Variants in ABTB2 observed in about 807,000 individuals in gnomAD.
ABTB2 encodes ankyrin repeat and BTB domain containing 2.
In ABTB2, 56 loss-of-function variants were observed where a neutral mutation model predicts 104.1. The observed-to-expected ratio is 0.54, with a 90% CI of 0.43 to 0.67. The LOEUF (loss-of-function observed/expected upper bound fraction) is 0.67. Ranked by LOEUF, ABTB2 falls within the 30% of genes least tolerant of loss-of-function variation. The pLI is 0.00. For synonymous variants in ABTB2, 606 were observed against 608.2 expected (o/e 1.00, Z 0.05); for missense variants, 1,279 against 1,407.7 (o/e 0.91, Z 1.46).
intron 5 of ABTB2, among the ~76,000 whole-genome samples, chr11:34,170,391 A>G (rs920704407): frequency 4.6e-5 from 7 of 152,370 alleles, no homozygotes; most frequent in Middle Eastern, 6.8e-3. Context: ...GTTAAAGCCT[A>G]TCTAAAACTA....
At chr11:34,269,911 AC>A (rs1422045916) in intron 1 of ABTB2, among the ~76,000 whole-genome samples, 1 of 152,138 alleles carries the variant, frequency 6.6e-6, no homozygotes, top group Non-Finnish European at 1.5e-5. Flanking sequence ...CCTCTCATCC[AC>A]CCTGTTGGTA....
intron 13 of ABTB2, 22 bp downstream of exon 13, chr11:34,159,884 T>C (rs1852684615): frequency 1.9e-6 from 3 of 1,585,274 alleles, no homozygotes; most frequent in East Asian, 4.5e-5. Flanking sequence ...GGGCTGGGAG[T>C]TTGTTATCTG....
intron 1 of ABTB2, among the ~76,000 whole-genome samples, chr11:34,236,839 C>T (rs1853850753): frequency 6.6e-6 from 1 of 152,242 alleles, no homozygotes; most frequent in Non-Finnish European, 1.5e-5. Flanking sequence ...ACAGCCTCTG[C>T]AGCTTGGGTG....
rs1381846501 is a variant in ABTB2, at chr11:34,356,635, C to T, written c.883+66G>A. On this transcript the variant is annotated intron_variant, in intron 1 of 16. Transcript: ENST00000435224. The surrounding 1 kb of genome is among the most constrained non-coding windows in gnomAD (Gnocchi z 4.6). Reference sequence around the variant, plus strand: ...CCAGCTTTGTCTCAGGAAATTCACTCCCCCAGTAGCCCAGGGCGGGATTTC... The same window carrying T: ...CCAGCTTTGTCTCAGGAAATTCACTTCCCCAGTAGCCCAGGGCGGGATTTC... 1.4e-5 allele frequency: 21 copies of T among 1,462,260 alleles called. No homozygotes were observed. The highest frequency in any genetic ancestry group is 1.9e-5 in the Non-Finnish European group (21 of 1,100,190). The allele number at this position is 1,462,260 out of a possible 1,614,324, so 90.6% of individuals were successfully genotyped here. A position where few individuals can be genotyped will look rare whatever the true frequency, so the allele number is the denominator to read the frequency against.
intron 1 of ABTB2, among the ~76,000 whole-genome samples, chr11:34,211,511 A>G (rs1853479780): frequency 6.6e-6 from 1 of 152,132 alleles, no homozygotes; most frequent in Non-Finnish European, 1.5e-5. Context: ...TGTTGAGACA[A>G]GAGCAAGATG....
chr11:34,351,596 T>G (rs1564939372), intron 1 of ABTB2, among the ~76,000 whole-genome samples: 1 of 152,014 alleles, frequency 6.6e-6, no homozygotes, highest in African/African-American at 2.4e-5. Flanking sequence ...TTGGTAGAAA[T>G]GGGGACGGTT....
intron 1 of ABTB2, among the ~76,000 whole-genome samples, chr11:34,211,722 C>T (rs1853482760): frequency 6.6e-6 from 1 of 151,494 alleles, no homozygotes; most frequent in South Asian, 2.1e-4. Context: ...GGTGAAAATA[C>T]AAAAATTACT....
intron 1 of ABTB2, among the ~76,000 whole-genome samples, chr11:34,316,520 C>T (rs1224534193): frequency 6.6e-6 from 1 of 152,102 alleles, no homozygotes; most frequent in Non-Finnish European, 1.5e-5. Context: ...CTTTTGCTAC[C>T]CCAAAACCCA....
At chr11:34,280,147 A>G (rs774150686) in intron 1 of ABTB2, among the ~76,000 whole-genome samples, 1 of 152,194 alleles carries the variant, frequency 6.6e-6, no homozygotes, top group Non-Finnish European at 1.5e-5. Context: ...CCTATTGTAC[A>G]GATGAGAACA....
intron 1 of ABTB2, among the ~76,000 whole-genome samples, chr11:34,301,169 G>A (rs1364918393): frequency 3.3e-5 from 5 of 152,166 alleles, no homozygotes; most frequent in Non-Finnish European, 7.3e-5. Flanking sequence ...GAAGGCCTCT[G>A]ACAGCATCTT....
chr11:34,237,563 A>G (rs1443562892), intron 1 of ABTB2, among the ~76,000 whole-genome samples: 1 of 152,182 alleles, frequency 6.6e-6, no homozygotes, highest in Non-Finnish European at 1.5e-5. Flanking sequence ...CTGAATCATT[A>G]TTTGTATAAA....
intron 1 of ABTB2, among the ~76,000 whole-genome samples, chr11:34,231,620 G>A (rs181561034): frequency 1.5e-3 from 224 of 152,272 alleles, no homozygotes; most frequent in African/African-American, 5.2e-3. Context: ...GCCCAGGCTG[G>A]AGTGCAATGG....
At chr11:34,223,200 T>C (rs367753286) in intron 1 of ABTB2, among the ~76,000 whole-genome samples, 1 of 151,998 alleles carries the variant, frequency 6.6e-6, no homozygotes, top group Non-Finnish European at 1.5e-5. Context: ...GAGGACCGAG[T>C]GGAAACAGTG....
intron 1 of ABTB2, among the ~76,000 whole-genome samples, chr11:34,237,149 C>G (rs571191042): frequency 1.3e-5 from 2 of 152,212 alleles, no homozygotes; most frequent in Non-Finnish European, 2.9e-5. Flanking sequence ...GCCCACAGTA[C>G]CCACCTCTAT....
At position 34,173,167 on chromosome 11, in the gene ABTB2, G is replaced by T; in HGVS notation, c.1385C>A (p.Pro462His). ...CCCTGGTTCATACTTGAGCTGCCGA[G>T]GTTCACAGTCCAGACCAGGCAGCAG... is the stretch of plus-strand genomic sequence containing the variant. Reference protein sequence around the residue: ...RLLLPGLDCEPRQLKPEHCFS... With the variant: ...RLLLPGLDCEHRQLKPEHCFS... Residue 462 changes from proline to histidine, a missense_variant, in exon 4 of 17, where the codon CCT (proline) becomes CAT (histidine). Coordinates refer to ENST00000435224, the MANE Select transcript of ABTB2 (RefSeq NM_145804.3). The T allele has an allele frequency of 6.2e-7, 1 of 1,613,824 alleles. No homozygotes were observed.
chr11:34,180,822 A>G (rs1853016927), intron 3 of ABTB2, among the ~76,000 whole-genome samples: 1 of 152,182 alleles, frequency 6.6e-6, no homozygotes, highest in Non-Finnish European at 1.5e-5. Flanking sequence ...AGGGTCTCCT[A>G]AGGCCCCTCA....
chr11:34,301,790 C>A (rs955661894), intron 1 of ABTB2, among the ~76,000 whole-genome samples: 1 of 152,158 alleles, frequency 6.6e-6, no homozygotes, highest in Non-Finnish European at 1.5e-5. Flanking sequence ...TTGAGACCAG[C>A]CTGGGCAATT....
chr11:34,346,988 G>A (rs1426105741), intron 1 of ABTB2, among the ~76,000 whole-genome samples: 1 of 152,208 alleles, frequency 6.6e-6, no homozygotes, highest in Non-Finnish European at 1.5e-5. Context: ...CAACTGTAGG[G>A]AGGGTTTTCG....
chr11:34,323,404 T>A (rs1590256225), intron 1 of ABTB2, among the ~76,000 whole-genome samples: 2 of 152,194 alleles, frequency 1.3e-5, no homozygotes, highest in Admixed American at 6.5e-5. Context: ...TTAATGTTTT[T>A]AAATTTTTAT....
Sources: allele counts gnomAD v4.1 joint callset (sites outside exome capture counted in the v4.1 genomes callset), GRCh38; gene constraint gnomAD v4.1.1; non-coding constraint Gnocchi (gnomAD v3.1); transcripts MANE v1.5; gene names NCBI Gene and HGNC (gene_info 2026-07-23, HGNC 2026-07-21).